Variants in SSPN observed in about 807,000 individuals in gnomAD.
SSPN encodes the protein K-ras oncogene-associated protein.
A neutral mutation model predicts 19.1 loss-of-function variants in SSPN; 15 were observed. That is an observed-to-expected ratio of 0.78 (90% CI 0.52 to 1.21). The LOEUF (loss-of-function observed/expected upper bound fraction) is 1.21, where lower values mean the gene tolerates loss of function less well. SSPN is among the 50% of genes most tolerant of loss of function. The pLI is 0.00. For synonymous variants in SSPN, 147 were observed against 140.3 expected, an observed-to-expected ratio of 1.05 and a Z score of -0.34; for missense variants, 291 against 314.0, an observed-to-expected ratio of 0.93 and a Z score of 0.55.
chr12:26,179,482 A>G (rs924977433), intron 1 of SSPN, among the ~76,000 whole-genome samples: 1 of 152,158 alleles, frequency 6.6e-6, no homozygotes, highest in Non-Finnish European at 1.5e-5. Flanking sequence ...ATCAGGGCAG[A>G]GGAGAATTCA....
At chr12:26,142,038 G>A (rs2137406459) in intron 1 of SSPN, among the ~76,000 whole-genome samples, 1 of 152,204 alleles carries the variant, frequency 6.6e-6, no homozygotes, top group South Asian at 2.1e-4. Flanking sequence ...GGAGCAGGTG[G>A]ATTTTCAGGC....
rs368411883 is a variant in SSPN, at chr12:26,124,574, T to C, written c.-31+2422T>C. Reference sequence around the variant, plus strand: ...GGGTTTACACATATACAAAGAGGAATAGTCCAGTCTGCAAAACAGAAATCA... The same window carrying C: ...GGGTTTACACATATACAAAGAGGAACAGTCCAGTCTGCAAAACAGAAATCA... On this transcript the variant is annotated intron_variant, in intron 1 of 2. Coordinates refer to the SSPN transcript ENST00000538142. The C allele has an allele frequency of 7.2e-5, 116 of 1,614,062 alleles. No homozygotes were observed. The highest frequency in any genetic ancestry group is 3.3e-4 in the Middle Eastern group (2 of 6,084).
At chr12:26,210,798 C>G (rs1944977445) in intron 1 of SSPN, among the ~76,000 whole-genome samples, 1 of 152,076 alleles carries the variant, frequency 6.6e-6, no homozygotes, top group Admixed American at 6.6e-5. Flanking sequence ...GAGAGTTTTC[C>G]TATAATTTAG....
chr12:26,162,083 G>T (rs963668644), intron 1 of SSPN, among the ~76,000 whole-genome samples: 1 of 152,150 alleles, frequency 6.6e-6, no homozygotes, highest in Non-Finnish European at 1.5e-5. Flanking sequence ...TGTTTTTGGT[G>T]CATATTTTGT....
intron 1 of SSPN, among the ~76,000 whole-genome samples, chr12:26,146,746 C>G (rs572350403): frequency 6.9e-6 from 1 of 144,394 alleles, no homozygotes; most frequent in Non-Finnish European, 1.5e-5. Flanking sequence ...TTGCTTGAAC[C>G]AGGGAAGAGG....
chr12:26,203,563 TA>T (rs1359803092), intron 1 of SSPN, among the ~76,000 whole-genome samples: 1 of 152,226 alleles, frequency 6.6e-6, no homozygotes, highest in Admixed American at 6.5e-5. Flanking sequence ...TGTATTGAGA[TA>T]AAACTTGGCA....
chr12:26,172,399 G>T (rs1944658509), intron 1 of SSPN, among the ~76,000 whole-genome samples: 1 of 152,038 alleles, frequency 6.6e-6, no homozygotes, highest in South Asian at 2.1e-4. Context: ...AGTTCCTTAG[G>T]TAGTTACCAT....
At chr12:26,190,663 A>G (rs1284644820), upstream of SSPN, among the ~76,000 whole-genome samples, 1 of 152,218 alleles carries the variant, frequency 6.6e-6, no homozygotes, top group African/African-American at 2.4e-5. Flanking sequence ...CAGTAGAGGC[A>G]TTAGGAGAGT....
At chr12:26,198,645 T>C (rs1944851574) in intron 1 of SSPN, among the ~76,000 whole-genome samples, 1 of 152,178 alleles carries the variant, frequency 6.6e-6, no homozygotes, top group African/African-American at 2.4e-5. Context: ...CTCGCTACAT[T>C]TCCAAGACTA....
intron 1 of SSPN, chr12:26,124,488 G>T: frequency 5.0e-6 from 8 of 1,603,864 alleles, no homozygotes; most frequent in African/African-American, 1.3e-5. Context: ...ACCCATGCAG[G>T]TTATGAGGAA....
intron 1 of SSPN, among the ~76,000 whole-genome samples, chr12:26,201,801 T>C (rs928228504): frequency 6.6e-6 from 1 of 152,232 alleles, no homozygotes; most frequent in Non-Finnish European, 1.5e-5. Context: ...TTTATTCTCT[T>C]ACTTTAAGTA....
chr12:26,124,867 G>A (rs1354974290), intron 1 of SSPN: 3 of 1,277,504 alleles, frequency 2.3e-6, no homozygotes, highest in East Asian at 2.3e-5. Context: ...ACCTTGGGGG[G>A]ATCTGTGCGT....
chr12:26,133,563 C>A (rs1944408303), intron 1 of SSPN, among the ~76,000 whole-genome samples: 1 of 152,202 alleles, frequency 6.6e-6, no homozygotes, highest in South Asian at 2.1e-4. Context: ...TTTGGAAAGG[C>A]TGGGATTATC....
At chr12:26,159,307 G>A (rs1565674687) in intron 1 of SSPN, among the ~76,000 whole-genome samples, 1 of 152,270 alleles carries the variant, frequency 6.6e-6, no homozygotes, top group Non-Finnish European at 1.5e-5. Context: ...ATTTAGTCAT[G>A]CAGGCAGGAG....
At chr12:26,201,891 A>G (rs910004960) in intron 1 of SSPN, among the ~76,000 whole-genome samples, 1 of 152,188 alleles carries the variant, frequency 6.6e-6, no homozygotes, top group Non-Finnish European at 1.5e-5. Flanking sequence ...TTTATTCCAT[A>G]CTTGCCATTA....
intron 1 of SSPN, among the ~76,000 whole-genome samples, chr12:26,183,874 A>G (rs1196658771): frequency 1.3e-5 from 2 of 152,212 alleles, no homozygotes; most frequent in African/African-American, 2.4e-5. Flanking sequence ...CATCACCCCA[A>G]ATTGTACTGC....
At chr12:26,206,585 CTAAG>C (rs1474316839) in intron 1 of SSPN, among the ~76,000 whole-genome samples, 1 of 152,106 alleles carries the variant, frequency 6.6e-6, no homozygotes, top group Non-Finnish European at 1.5e-5. Flanking sequence ...TTAATTATGG[CTAAG>C]TAATGAAATC....
At chr12:26,179,376 T>G (rs2137440084) in intron 1 of SSPN, among the ~76,000 whole-genome samples, 1 of 152,278 alleles carries the variant, frequency 6.6e-6, no homozygotes, top group Non-Finnish European at 1.5e-5. Flanking sequence ...GCAGACTGGA[T>G]GACTGGATCT....
chr12:26,127,961 A>T (rs1469352537), intron 1 of SSPN, among the ~76,000 whole-genome samples: 1 of 152,230 alleles, frequency 6.6e-6, no homozygotes, highest in Admixed American at 6.5e-5. Flanking sequence ...AGAGCTTTTT[A>T]TGTATTAAGT....
Sources: allele counts gnomAD v4.1 joint callset (sites outside exome capture counted in the v4.1 genomes callset), GRCh38; gene constraint gnomAD v4.1.1; transcripts MANE v1.5; gene names NCBI Gene and HGNC (gene_info 2026-07-23, HGNC 2026-07-21).